The following JHY variants were observed in gnomAD, a reference collection of about 807,000 sequenced individuals.
JHY encodes the protein junctional cadherin complex regulator.
Under a neutral mutation model 78.0 loss-of-function variants are expected in JHY, and 69 were observed. The ratio of observed to expected loss-of-function variants is 0.88; its 90% CI spans 0.73 to 1.08. JHY has a LOEUF of 1.08. Among genes scored for constraint, JHY ranks in the 50% least tolerant of loss-of-function variants. The pLI, the probability that JHY is intolerant of heterozygous loss-of-function variation, is 0.00. For synonymous variants in JHY, 368 were observed against 342.6 expected (o/e 1.07, Z -0.82); for missense variants, 944 against 927.8 (o/e 1.02, Z -0.23).
Position 122,895,362 on chromosome 11 carries a change from ACCT to A in JHY, c.345-8558_345-8556del, listed in dbSNP as rs1014436670. Among the ~76,000 whole-genome samples, 13 of 152,136 alleles carry A rather than the reference ACCT, an allele frequency of 8.5e-5. No individual in the cohort carries two copies. In the East Asian group the frequency reaches 1.4e-3, roughly 16 times the overall value. On this transcript the variant is annotated intron_variant, in intron 2 of 8. Transcript: ENST00000227349. ...ATGCTTAATAGCAATGCTTTTATTC[ACCT>A]CCTCAACAGGCAAAATGGCCAGTTA...
chr11:122,922,509 C>T (rs758696362), intron 3 of JHY, among the ~76,000 whole-genome samples: 2 of 152,074 alleles, frequency 1.3e-5, no homozygotes, highest in Non-Finnish European at 2.9e-5. Context: ...AGTCTGAAGT[C>T]AAGGTAAACA....
intron 6 of JHY, among the ~76,000 whole-genome samples, chr11:122,953,356 A>C (rs1477090938): frequency 6.6e-6 from 1 of 152,130 alleles, no homozygotes; most frequent in East Asian, 1.9e-4. Context: ...TAATCCCAGC[A>C]CTTTGGGAGG....
intron 6 of JHY, among the ~76,000 whole-genome samples, chr11:122,950,118 G>T (rs1198126465): frequency 1.3e-5 from 2 of 152,132 alleles, no homozygotes; most frequent in Non-Finnish European, 2.9e-5. Context: ...ACAGGTGTGA[G>T]CCACTGCGCC....
intron 5 of JHY, among the ~76,000 whole-genome samples, chr11:122,940,245 G>A (rs147458822): frequency 2.7e-4 from 41 of 152,168 alleles, no homozygotes; most frequent in African/African-American, 6.7e-4. Flanking sequence ...GGCTGAGGCA[G>A]GAGAATCTCT....
At chr11:122,946,390 TGA>T (rs1234107917) in intron 5 of JHY, 106 bp from the exon 6 acceptor site, 2 of 1,203,668 alleles carry the variant, frequency 1.7e-6, no homozygotes, top group Non-Finnish European at 2.3e-6. Flanking sequence ...TAATTTGATT[TGA>T]GAGTGATAAA....
chr11:122,886,420 A>G (rs1862498140), intron 2 of JHY, among the ~76,000 whole-genome samples: 1 of 152,116 alleles, frequency 6.6e-6, no homozygotes, highest in South Asian at 2.1e-4. Context: ...CGCATTTCTC[A>G]TACCATTTAC....
At chr11:122,919,950 A>G (rs1486176175) in intron 3 of JHY, among the ~76,000 whole-genome samples, 1 of 152,256 alleles carries the variant, frequency 6.6e-6, no homozygotes, top group African/African-American at 2.4e-5. Flanking sequence ...AAAATATTTC[A>G]TGTCTTTTGC....
chr11:122,910,614 G>C (rs554328178), intron 3 of JHY, among the ~76,000 whole-genome samples: 3 of 152,236 alleles, frequency 2.0e-5, no homozygotes, highest in Admixed American at 1.3e-4. Context: ...ACTTTTTACT[G>C]TGTACCTTTT....
intron 6 of JHY, 35 bp downstream of exon 6, chr11:122,946,827 C>A: frequency 6.4e-7 from 1 of 1,571,026 alleles, no homozygotes; most frequent in South Asian, 1.2e-5. Context: ...AGTAACTCTT[C>A]CATTTTGAGA....
intron 3 of JHY, among the ~76,000 whole-genome samples, chr11:122,906,731 G>A (rs1019035669): frequency 6.6e-6 from 1 of 152,094 alleles, no homozygotes; most frequent in African/African-American, 2.4e-5. Flanking sequence ...TTTGTTAGTA[G>A]TTATAAGTTA....
At chr11:122,889,286 T>A (rs1437932636) in intron 2 of JHY, among the ~76,000 whole-genome samples, 1 of 152,046 alleles carries the variant, frequency 6.6e-6, no homozygotes, top group African/African-American at 2.4e-5. Flanking sequence ...AAAATACCCA[T>A]GTGTATCTTG....
At chr11:122,949,604 C>T (rs1031817449) in intron 6 of JHY, among the ~76,000 whole-genome samples, 5 of 152,116 alleles carry the variant, frequency 3.3e-5, no homozygotes, top group African/African-American at 4.8e-5. Context: ...CTGTGTACCC[C>T]GGGTCTTCAG....
intron 2 of JHY, among the ~76,000 whole-genome samples, chr11:122,889,758 A>AGTTT (rs1050735358): frequency 4.6e-5 from 7 of 152,080 alleles, no homozygotes; most frequent in Admixed American, 1.3e-4. Context: ...GGATGTTCCC[A>AGTTT]GTTTGTTTGT....
intron 6 of JHY, among the ~76,000 whole-genome samples, chr11:122,955,669 GT>G (rs1317125391): frequency 6.6e-6 from 1 of 152,052 alleles, no homozygotes; most frequent in Non-Finnish European, 1.5e-5. Context: ...AACAATATGA[GT>G]TTCTTAGTGA....
chr11:122,946,452 A>G (rs1250965047), intron 5 of JHY, 46 bp from the exon 6 acceptor site: 3 of 1,523,104 alleles, frequency 2.0e-6, no homozygotes, highest in Admixed American at 4.5e-5. Context: ...TGTCTTATGT[A>G]TTTGGATTTT....
chr11:122,888,268 C>G (rs1416174145), intron 2 of JHY, among the ~76,000 whole-genome samples: 1 of 152,078 alleles, frequency 6.6e-6, no homozygotes, highest in East Asian at 1.9e-4. Context: ...GATGCAGCAG[C>G]GTTTAAGGAA....
intron 2 of JHY, among the ~76,000 whole-genome samples, chr11:122,896,684 C>A (rs1460172115): frequency 6.6e-6 from 1 of 152,160 alleles, no homozygotes; most frequent in Non-Finnish European, 1.5e-5. Context: ...CCTTGAGATC[C>A]ATCACCAGAA....
chr11:122,904,779 A>G (rs1591374656), intron 3 of JHY, among the ~76,000 whole-genome samples: 1 of 152,208 alleles, frequency 6.6e-6, no homozygotes, highest in East Asian at 1.9e-4. Flanking sequence ...CCATTCAAAG[A>G]AATCTGGAAC....
At chr11:122,916,623 T>C (rs1322048761) in intron 3 of JHY, among the ~76,000 whole-genome samples, 2 of 152,080 alleles carry the variant, frequency 1.3e-5, no homozygotes, top group Non-Finnish European at 2.9e-5. Flanking sequence ...TTTTTGTTTT[T>C]TGTTGTTTGT....
Sources: allele counts gnomAD v4.1 joint callset (sites outside exome capture counted in the v4.1 genomes callset), GRCh38; gene constraint gnomAD v4.1.1; transcripts MANE v1.5; gene names NCBI Gene and HGNC (gene_info 2026-07-23, HGNC 2026-07-21).